STXBP2: variants seen among roughly 807,000 people sequenced by gnomAD.
STXBP2 encodes syntaxin-binding protein 2.
STXBP2 carries 47 observed loss-of-function variants against 72.2 expected under a neutral mutation model. That is an observed-to-expected ratio of 0.65 (90% confidence interval 0.51 to 0.83). The LOEUF (loss-of-function observed/expected upper bound fraction) is 0.83, where lower values mean the gene tolerates loss of function less well. Among genes scored for constraint, STXBP2 ranks in the 40% least tolerant of loss-of-function variants. The pLI, the probability that STXBP2 is intolerant of heterozygous loss-of-function variation, is 0.00. For missense variants in STXBP2, 702 were observed against 807.6 expected (o/e 0.87, Z 1.58); for synonymous variants, 367 against 338.7 (o/e 1.08, Z -0.92).
chr19:7,645,581 G>A (rs2032101273), intron 15 of STXBP2, among the ~76,000 whole-genome samples: 1 of 130,040 alleles, frequency 7.7e-6, no homozygotes, highest in South Asian at 2.3e-4. Flanking sequence ...GGTGGTCTGA[G>A]TGCTAGAGGC....
At chr19:7,645,002 C>T in intron 14 of STXBP2, 195 bp from the exon 15 acceptor site, 1 of 1,446,602 alleles carries the variant, frequency 6.9e-7, no homozygotes, top group Non-Finnish European at 9.1e-7. Flanking sequence ...GCTCCCTCAG[C>T]TCATCTGGAG....
intron 14 of STXBP2, 137 bp from the exon 15 acceptor site, chr19:7,645,060 G>T: frequency 6.8e-7 from 1 of 1,466,970 alleles, no homozygotes; most frequent in Non-Finnish European, 9.2e-7. Flanking sequence ...GCTCACACTA[G>T]CACAGGGTAC....
Position 7,642,622 on chromosome 19 carries a change from CT to C in STXBP2, c.902+89del. The C allele has an allele frequency of 1.3e-6, 2 of 1,544,818 alleles. No individual in the cohort carries two copies. The highest frequency in any genetic ancestry group is 1.7e-5 in the Admixed American group (1 of 59,308). On this transcript the variant is annotated intron_variant, in intron 10 of 18. Transcript: ENST00000221283. The surrounding 1 kb of genome is among the most constrained non-coding windows in gnomAD (Gnocchi z 6.0). Reference sequence around the variant, plus strand: ...TTGGGATCCCTGGCTGCTGCCAAGTCTTTGGCCCTCATGAGCACCCCTCGTG... The same window carrying C: ...TTGGGATCCCTGGCTGCTGCCAAGTCTTGGCCCTCATGAGCACCCCTCGTG...
At position 7,638,142 on chromosome 19, in the gene STXBP2, C is replaced by T. The variant is rs116037039; in HGVS notation, c.38-584C>T. Among the ~76,000 whole-genome samples, 1,428 of 152,330 alleles carry T rather than the reference C, an allele frequency of 9.4e-3. 24 individuals carry two copies. Among genetic ancestry groups the T allele is most frequent in the African/African-American group, 0.031 (1,300 of 41,578 alleles). On this transcript the variant is annotated intron_variant, in intron 1 of 18. Transcript: ENST00000221283. Reference sequence around the variant, plus strand: ...AGAGCTGTAGATGATCCCGGTTCTCCTCTTTTCATTCACCTAAAACATGTT... The same window carrying T: ...AGAGCTGTAGATGATCCCGGTTCTCTTCTTTTCATTCACCTAAAACATGTT...
chr19:7,647,039 A>G, intron 16 of STXBP2, 123 bp from the exon 17 acceptor site: 1 of 966,806 alleles, frequency 1.0e-6, no homozygotes, highest in Non-Finnish European at 1.6e-6. Flanking sequence ...CCCCAGAGGC[A>G]GGAGGTGGAG....
intron 3 of STXBP2, chr19:7,639,453 C>T: frequency 1.7e-6 from 1 of 574,190 alleles, no homozygotes; most frequent in Non-Finnish European, 3.1e-6. Flanking sequence ...AGGTGGTGTC[C>T]CAGTCACTTT....
chr19:7,642,198 C>T lies in STXBP2; in HGVS notation c.664-5C>T, dbSNP rs368968418. The T allele has an allele frequency of 6.2e-7, 1 of 1,614,158 alleles. No individual in the cohort carries two copies. Among genetic ancestry groups the T allele is most frequent in the East Asian group, 2.2e-5 (1 of 44,878 alleles). On this transcript the variant is annotated splice_region_variant and splice_polypyrimidine_tract_variant and intron_variant, in intron 8 of 18. Coordinates refer to ENST00000221283, the MANE Select transcript of STXBP2 (RefSeq NM_006949.4). This position sits in a 1 kb window ranked among gnomAD's most constrained non-coding sequence, Gnocchi z 6.0. ...GCCTCATTCCTGCCCTAAACCCCAC[C>T]CCAGGGCCCAGAGAAAACCCGCTCC...
chr19:7,640,350 C>CTG lies in STXBP2; in HGVS notation c.247-378_247-377dup, dbSNP rs35042054. The CTG allele has an allele frequency of 0.42, 235,386 of 555,776 alleles. 53,701 individuals carry two copies. The highest frequency in any genetic ancestry group is 0.7 in the African/African-American group (35,906 of 51,608). The allele number at this position is 555,776 out of a possible 1,614,324, so 34.4% of individuals were successfully genotyped here. A position where few individuals can be genotyped will look rare whatever the true frequency, so the allele number is the denominator to read the frequency against. ...CGTGTGTATGCGTGTGTGTATGCGT[C>CTG]TGTGCATGTGTGTATGCGTGTGTGT... On this transcript the variant is annotated intron_variant, in intron 4 of 18. Transcript: ENST00000221283.
At chr19:7,640,200 G>A (rs1347944216) in intron 4 of STXBP2, 23 of 549,802 alleles carry the variant, frequency 4.2e-5, no homozygotes, top group Middle Eastern at 5.0e-4. Context: ...GTGTGTATGC[G>A]TGTGTATGTA....
chr19:7,632,956 G>C (rs1320583570), upstream of STXBP2: 1 of 1,473,238 alleles, frequency 6.8e-7, no homozygotes, highest in Admixed American at 2.3e-5. The surrounding 1 kb of genome is among the most constrained non-coding windows in gnomAD (Gnocchi z 5.2). Context: ...CTCTCACCAT[G>C]GTCCCCGCCG....
rs534589089 is a variant in STXBP2, at chr19:7,641,812, G to C, written c.537G>C (p.Leu179=). 1 of 1,552,022 alleles carries C rather than the reference G, an allele frequency of 6.4e-7. No individual in the cohort carries two copies. Among genetic ancestry groups the C allele is most frequent in the Admixed American group, 2.0e-5 (1 of 51,166 alleles). Residue 179 remains leucine (L), a synonymous_variant, in exon 7 of 19, where the codon CTG becomes CTC. Coordinates refer to ENST00000221283, the MANE Select transcript of STXBP2 (RefSeq NM_006949.4). ...LEVLAQQIAT[L]CATLQEYPAI... ...TGCTGGCCCAGCAGATTGCCACGCTGTGCGCCACCCTGCAGGAGTACCCGG... is the reference window on the plus strand; with the variant it reads ...TGCTGGCCCAGCAGATTGCCACGCTCTGCGCCACCCTGCAGGAGTACCCGG...
At chr19:7,631,528 T>C in the STXBP2 span, 2 of 1,535,842 alleles carry the variant, frequency 1.3e-6, no homozygotes. Context: ...GAGGAGAAGC[T>C]CCTTCGCGAC....
intron 14 of STXBP2, 140 bp from the exon 15 acceptor site, chr19:7,645,057 C>G: frequency 2.0e-6 from 3 of 1,465,840 alleles, no homozygotes; most frequent in Admixed American, 2.0e-5. Flanking sequence ...CTTGCTCACA[C>G]TAGCACAGGG....
chr19:7,641,069 G>A, intron 6 of STXBP2, 66 bp downstream of exon 6: 1 of 1,544,654 alleles, frequency 6.5e-7, no homozygotes, highest in South Asian at 1.1e-5. Flanking sequence ...TGTTCCCTCA[G>A]AAACAGACAC....
At chr19:7,632,976 G>T (rs1478096411), upstream of STXBP2, 3 of 1,454,714 alleles carry the variant, frequency 2.1e-6, no homozygotes, top group Non-Finnish European at 2.7e-6. The surrounding 1 kb of genome is among the most constrained non-coding windows in gnomAD (Gnocchi z 5.2). Flanking sequence ...GATCCTCTCT[G>T]CAGAGCTGTT....
At chr19:7,629,965 G>C in the STXBP2 span, 9 of 1,319,488 alleles carry the variant, frequency 6.8e-6, no homozygotes, top group Non-Finnish European at 9.0e-6. Flanking sequence ...GAGCTCCAAG[G>C]AGAAAGCTCT....
At chr19:7,631,160 G>A in the STXBP2 span, 1 of 1,094,526 alleles carries the variant, frequency 9.1e-7, no homozygotes, top group South Asian at 1.7e-5. Flanking sequence ...GTGAGCCCAA[G>A]ATCACGCCAC....
At chr19:7,639,438 AC>A in intron 3 of STXBP2, 2 of 572,716 alleles carry the variant, frequency 3.5e-6, no homozygotes, top group Non-Finnish European at 3.1e-6. Context: ...TCTATGGGTG[AC>A]CCCAGGTGGT....
In STXBP2 at chr19:7,647,726, C is replaced by A. The variant is rs745567860; in HGVS notation, c.1698C>A (p.Gly566=). The change falls in exon 19 of 19, where the codon GGC becomes GGA. Residue 566 remains glycine, a splice_region_variant and synonymous_variant. Coordinates refer to ENST00000221283, the MANE Select transcript of STXBP2 (RefSeq NM_006949.4). ...ATEGKWEVLI[G]SSHILTPTRF... ...CCCCAAACCTCTGCCCCTGCACAGG[C>A]TCCTCACACATCCTCACCCCGACCC... 16 of 1,614,006 alleles carry A rather than the reference C, an allele frequency of 9.9e-6. No individual in the cohort carries two copies. Among genetic ancestry groups the A allele is most frequent in the Middle Eastern group, 1.6e-4 (1 of 6,084 alleles).
Sources: allele counts gnomAD v4.1 joint callset (sites outside exome capture counted in the v4.1 genomes callset), GRCh38; gene constraint gnomAD v4.1.1; non-coding constraint Gnocchi (gnomAD v3.1); transcripts MANE v1.5; gene names NCBI Gene and HGNC (gene_info 2026-07-23, HGNC 2026-07-21).